The following GARRE1 variants were observed in gnomAD, a reference collection of about 807,000 sequenced individuals.
GARRE1 encodes granule associated Rac and RHOG effector protein 1.
A neutral mutation model predicts 103.2 loss-of-function variants in GARRE1; 49 were observed. The observed-to-expected ratio is 0.47, with a 90% CI of 0.38 to 0.60. The LOEUF (loss-of-function observed/expected upper bound fraction) is 0.60. Among genes scored for constraint, GARRE1 ranks in the 20% least tolerant of loss-of-function variants. The probability of loss-of-function intolerance (pLI) is 0.00; values close to 1 mark genes in which losing one functional copy is unlikely to be tolerated. For missense variants in GARRE1, 1,199 were observed against 1,370.5 expected, an observed-to-expected ratio of 0.87 and a Z score of 1.98; for synonymous variants, 505 against 532.8, an observed-to-expected ratio of 0.95 and a Z score of 0.72.
intron 2 of GARRE1, among the ~76,000 whole-genome samples, chr19:34,302,141 C>A (rs965912477): frequency 1.3e-5 from 2 of 151,360 alleles, no homozygotes; most frequent in Non-Finnish European, 2.9e-5. Flanking sequence ...CAGGCATGCG[C>A]CACCATGCCC....
chr19:34,318,009 GT>G (rs2074067747), intron 2 of GARRE1, among the ~76,000 whole-genome samples: 1 of 152,350 alleles, frequency 6.6e-6, no homozygotes, highest in Non-Finnish European at 1.5e-5. Context: ...AAGCCCAGGA[GT>G]TTGGGGGGCT....
intron 1 of GARRE1, among the ~76,000 whole-genome samples, chr19:34,271,940 G>A (rs962350560): frequency 6.6e-6 from 1 of 152,120 alleles, no homozygotes; most frequent in African/African-American, 2.4e-5. Context: ...GATATTGCTT[G>A]CTCTGGAAGT....
intron 2 of GARRE1, among the ~76,000 whole-genome samples, chr19:34,311,209 A>G (rs1453263191): frequency 1.3e-5 from 2 of 151,938 alleles, no homozygotes; most frequent in African/African-American, 2.4e-5. Context: ...CCAAGCTGCC[A>G]TTTTTTCTTA....
intron 2 of GARRE1, among the ~76,000 whole-genome samples, chr19:34,311,100 C>T (rs1054718250): frequency 1.3e-5 from 2 of 152,106 alleles, no homozygotes; most frequent in Non-Finnish European, 2.9e-5. Context: ...TCAAGCAATC[C>T]TCCTGTCTCA....
At chr19:34,266,906 T>C (rs1381294937) in intron 1 of GARRE1, among the ~76,000 whole-genome samples, 6 of 152,018 alleles carry the variant, frequency 3.9e-5, no homozygotes, top group Admixed American at 3.9e-4. Flanking sequence ...TTTTCCTCCA[T>C]TTGAGGTTAA....
intron 6 of GARRE1, among the ~76,000 whole-genome samples, chr19:34,329,909 G>A (rs887037536): frequency 6.6e-6 from 1 of 151,852 alleles, no homozygotes; most frequent in African/African-American, 2.4e-5. Context: ...AAGACTCCAC[G>A]TCTACAAAAA....
At chr19:34,287,136 CAAAA>C (rs34541474) in intron 1 of GARRE1, among the ~76,000 whole-genome samples, 4 of 98,802 alleles carry the variant, frequency 4.0e-5, no homozygotes, top group African/African-American at 9.3e-5. Flanking sequence ...AAGACTGTCT[CAAAA>C]AAAAAAAAAA....
rs768671183 is a variant in GARRE1, at chr19:34,300,875, C to T, written c.402C>T (p.Ala134=). Residue 134 remains alanine, a synonymous_variant, in exon 2 of 14, where the codon GCC becomes GCT. Transcript: ENST00000299505. The part of the protein sequence containing the change: ...VMEAASRLTS[A]IKPEIAKMLM... ...AAGCAGCCAGTCGGCTGACCTCGGC[C>T]ATAAAGCCTGAGATCGCCAAGATGC... 1 of 1,612,950 alleles carries T rather than the reference C, an allele frequency of 6.2e-7. No homozygotes were observed. The highest frequency in any genetic ancestry group is 1.7e-5 in the Admixed American group (1 of 60,032).
chr19:34,328,014 C>T lies in GARRE1; in HGVS notation c.967C>T (p.Gln323Ter), dbSNP rs2074119882. The change falls in exon 6 of 14, where the codon CAG becomes TAG. Residue 323 changes from glutamine to a stop codon, truncating the protein, a stop_gained. Coordinates refer to ENST00000299505, the MANE Select transcript of GARRE1 (RefSeq NM_014686.5). LOFTEE classifies it high-confidence loss of function. Reference protein sequence around the residue: ...LQGCCSEAEAQQTGRRQTPPQ... With the variant: ...LQGCCSEAEA Reference sequence around the variant, plus strand: ...GGGCTGCTGCAGCGAGGCGGAAGCCCAGCAGACGGGGCGGAGGCAGACACC... The same window carrying T: ...GGGCTGCTGCAGCGAGGCGGAAGCCTAGCAGACGGGGCGGAGGCAGACACC... 1 of 1,614,006 alleles carries T rather than the reference C, an allele frequency of 6.2e-7. No individual in the cohort carries two copies. Among genetic ancestry groups the T allele is most frequent in the Non-Finnish European group, 8.5e-7 (1 of 1,180,034 alleles).
At chr19:34,340,614 C>T (rs1242036851) in intron 9 of GARRE1, among the ~76,000 whole-genome samples, 5 of 152,040 alleles carry the variant, frequency 3.3e-5, no homozygotes, top group Admixed American at 6.6e-5. Context: ...CCATCCATCC[C>T]CCAGCTCCTG....
chr19:34,328,454 A>C (rs144660753), intron 6 of GARRE1, among the ~76,000 whole-genome samples: 518 of 150,020 alleles, frequency 3.5e-3, no homozygotes, highest in African/African-American at 0.012. Context: ...GCTTGAACCC[A>C]TGAGGTGGAG....
intron 2 of GARRE1, among the ~76,000 whole-genome samples, chr19:34,308,106 G>T (rs1277745744): frequency 1.3e-5 from 2 of 151,656 alleles, no homozygotes; most frequent in Non-Finnish European, 2.9e-5. Flanking sequence ...CTTAATTCAG[G>T]TATATTAACA....
At position 34,300,648 on chromosome 19, in the gene GARRE1, G is replaced by T. The variant is rs368671239; in HGVS notation, c.175G>T (p.Ala59Ser). The T allele has an allele frequency of 6.2e-7, 1 of 1,613,712 alleles. No individual in the cohort carries two copies. Residue 59 changes from alanine to serine, a missense_variant, in exon 2 of 14, where the codon GCT becomes TCT. By Grantham distance (99) the Ala-to-Ser change is moderately conservative (BLOSUM62 1). Coordinates refer to ENST00000299505, the MANE Select transcript of GARRE1 (RefSeq NM_014686.5). ...ATTAPLGSLT[A>S]AGSCHHAMPH... ...CACTGCCCCCCTGGGCAGTCTGACC[G>T]CTGCAGGCAGCTGCCACCATGCCAT...
intron 1 of GARRE1, among the ~76,000 whole-genome samples, chr19:34,269,595 C>T (rs1488152714): frequency 3.9e-5 from 6 of 151,998 alleles, no homozygotes; most frequent in Non-Finnish European, 8.8e-5. Context: ...GAGGCCCTTG[C>T]TGTGTTACCC....
At chr19:34,315,204 C>G (rs2074054452) in intron 2 of GARRE1, among the ~76,000 whole-genome samples, 2 of 152,278 alleles carry the variant, frequency 1.3e-5, no homozygotes, top group Non-Finnish European at 2.9e-5. Context: ...GAACAATGAA[C>G]TTAGTGATAA....
intron 8 of GARRE1, among the ~76,000 whole-genome samples, chr19:34,339,231 G>A (rs778249053): frequency 2.6e-5 from 4 of 152,164 alleles, no homozygotes; most frequent in Admixed American, 2.0e-4. Flanking sequence ...CAAGTCCCAG[G>A]TTGTCACCCG....
chr19:34,327,498 A>C lies in GARRE1; in HGVS notation c.783A>C (p.Gln261His). The C allele has an allele frequency of 6.2e-7, 1 of 1,614,138 alleles. No homozygotes were observed. Among genetic ancestry groups the C allele is most frequent in the Non-Finnish European group, 8.5e-7 (1 of 1,180,018 alleles). ...GIEVQQLFCS[Q>H]SAAIPEHQLK... ...AAGTTCAACAACTCTTTTGTTCTCA[A>C]AGTGCAGCAATTCCTGAGCACCAGC... is the stretch of plus-strand genomic sequence containing the variant. The change falls in exon 4 of 14, where the codon CAA (glutamine) becomes CAC (histidine). Residue 261 changes from glutamine to histidine, a missense_variant. Coordinates refer to ENST00000299505, the MANE Select transcript of GARRE1 (RefSeq NM_014686.5).
intron 2 of GARRE1, among the ~76,000 whole-genome samples, chr19:34,303,740 C>T (rs867083886): frequency 1.3e-5 from 2 of 151,950 alleles, no homozygotes; most frequent in African/African-American, 2.4e-5. Context: ...CTCAGCCTCC[C>T]GAGTAGGTAG....
chr19:34,298,024 C>T lies in GARRE1; in HGVS notation c.-795-1655C>T, dbSNP rs1056526544. Among the ~76,000 whole-genome samples, 4 of 151,892 alleles carry T rather than the reference C, an allele frequency of 2.6e-5. No homozygotes were observed. The East Asian group carries it at 5.8e-4, about 22-fold the overall frequency. ...AATTATGGTAATTGGCCATAAGTGA[C>T]GAAGTATGAGTTACATTTAATTATA... On this transcript the variant is annotated intron_variant, in intron 1 of 13. Transcript: ENST00000299505.
Sources: allele counts gnomAD v4.1 joint callset (sites outside exome capture counted in the v4.1 genomes callset), GRCh38; gene constraint gnomAD v4.1.1; transcripts MANE v1.5; gene names NCBI Gene and HGNC (gene_info 2026-07-23, HGNC 2026-07-21).